Variants in FAM174B observed in about 807,000 individuals in gnomAD.
The protein encoded by FAM174B is membrane protein FAM174B.
A neutral mutation model predicts 10.9 loss-of-function variants in FAM174B; 12 were observed. That is an observed-to-expected ratio of 1.10 (90% CI 0.71 to 1.79). The LOEUF is 1.79. Among genes scored for constraint, FAM174B ranks in the 40% most tolerant of loss-of-function variants. The pLI, the probability that FAM174B is intolerant of heterozygous loss-of-function variation, is 0.00. For missense variants in FAM174B, 266 were observed against 233.3 expected, an observed-to-expected ratio of 1.14 and a Z score of -0.91; for synonymous variants, 132 against 115.8, an observed-to-expected ratio of 1.14 and a Z score of -0.90.
intron 1 of FAM174B, among the ~76,000 whole-genome samples, chr15:92,631,689 A>G (rs1334279094): frequency 6.7e-6 from 1 of 149,386 alleles, no homozygotes; most frequent in Non-Finnish European, 1.5e-5. Context: ...TTGTAGAGAC[A>G]GATTTCGCCT....
chr15:92,626,000 C>A (rs772367999), intron 2 of FAM174B, among the ~76,000 whole-genome samples: 1 of 152,048 alleles, frequency 6.6e-6, no homozygotes, highest in Non-Finnish European at 1.5e-5. Context: ...CGTTTAAGGA[C>A]TTGGGAGCAG....
chr15:92,635,212 T>C (rs1016459398), intron 1 of FAM174B, among the ~76,000 whole-genome samples: 7 of 151,534 alleles, frequency 4.6e-5, no homozygotes, highest in African/African-American at 1.7e-4. Flanking sequence ...ATTGATTCTG[T>C]TTCCCTGAAG....
At chr15:92,652,506 A>G (rs2050973020) in intron 1 of FAM174B, among the ~76,000 whole-genome samples, 1 of 152,166 alleles carries the variant, frequency 6.6e-6, no homozygotes. Context: ...CCTGATCTGA[A>G]GAGTCAGCCT....
chr15:92,626,140 C>CGGAGTCTCGCTCTTT (rs61555990), intron 2 of FAM174B, among the ~76,000 whole-genome samples: 1 of 9,816 alleles, frequency 1.0e-4, no homozygotes, highest in Admixed American at 1.3e-3. Context: ...TTTTTTGAGA[C>CGGAGTCTCGCTCTTT]CAGGCCGGAG....
At chr15:92,643,773 G>T (rs1057315390) in intron 1 of FAM174B, among the ~76,000 whole-genome samples, 1 of 152,010 alleles carries the variant, frequency 6.6e-6, no homozygotes, top group Non-Finnish European at 1.5e-5. Context: ...GGAAATAGTG[G>T]GCTGTTTCCA....
intron 1 of FAM174B, among the ~76,000 whole-genome samples, chr15:92,633,264 C>A (rs1359766501): frequency 6.6e-6 from 1 of 152,130 alleles, no homozygotes; most frequent in African/African-American, 2.4e-5. Context: ...AGTAAGTTGG[C>A]AAAATGAATG....
intron 1 of FAM174B, among the ~76,000 whole-genome samples, chr15:92,649,479 TA>T (rs1438100448): frequency 1.3e-5 from 2 of 152,250 alleles, no homozygotes; most frequent in Non-Finnish European, 2.9e-5. Context: ...AGGTTGGGTG[TA>T]AATTACATCT....
chr15:92,638,409 T>C (rs535905154), intron 1 of FAM174B, among the ~76,000 whole-genome samples: 1 of 152,256 alleles, frequency 6.6e-6, no homozygotes, highest in South Asian at 2.1e-4. Flanking sequence ...TGCTCATACG[T>C]CCCACTTATA....
At chr15:92,632,841 T>C (rs1567045976) in intron 1 of FAM174B, among the ~76,000 whole-genome samples, 1 of 152,104 alleles carries the variant, frequency 6.6e-6, no homozygotes. Context: ...TGTTTTTACC[T>C]TTAGGATGGT....
intron 1 of FAM174B, among the ~76,000 whole-genome samples, chr15:92,635,890 A>G (rs1188670213): frequency 1.3e-5 from 2 of 152,046 alleles, no homozygotes; most frequent in African/African-American, 4.8e-5. Flanking sequence ...ACATTTCTCA[A>G]ATTAAAAGGA....
At chr15:92,621,317 A>T (rs985141394) in intron 2 of FAM174B, among the ~76,000 whole-genome samples, 3 of 152,212 alleles carry the variant, frequency 2.0e-5, no homozygotes, top group African/African-American at 4.8e-5. Context: ...AAGTTGTTTA[A>T]AGAGAAAACA....
chr15:92,644,048 C>T (rs904545546), intron 1 of FAM174B, among the ~76,000 whole-genome samples: 1 of 152,170 alleles, frequency 6.6e-6, no homozygotes, highest in Non-Finnish European at 1.5e-5. Flanking sequence ...GAGCTCTACG[C>T]TGCACCTCCT....
intron 1 of FAM174B, among the ~76,000 whole-genome samples, chr15:92,641,062 TCACACA>T (rs35507479): frequency 6.0e-5 from 9 of 149,902 alleles, no homozygotes; most frequent in South Asian, 4.2e-4. Flanking sequence ...CACAGGCAGT[TCACACA>T]CACACACACA....
At chr15:92,640,658 T>G (rs945939921) in intron 1 of FAM174B, among the ~76,000 whole-genome samples, 1 of 149,772 alleles carries the variant, frequency 6.7e-6, no homozygotes, top group Non-Finnish European at 1.5e-5. Flanking sequence ...TTGGTTTTTG[T>G]TTTTTTTTAA....
intron 2 of FAM174B, among the ~76,000 whole-genome samples, chr15:92,625,965 A>G (rs1411860166): frequency 7.1e-6 from 1 of 140,048 alleles, no homozygotes; most frequent in Non-Finnish European, 1.7e-5. Context: ...GAAAAGGCAA[A>G]AGCAAAGCAA....
chr15:92,641,069 C>A (rs2050888642), intron 1 of FAM174B, among the ~76,000 whole-genome samples: 1 of 151,954 alleles, frequency 6.6e-6, no homozygotes. Flanking sequence ...AGTTCACACA[C>A]ACACACACAC....
At position 92,635,077 on chromosome 15, in the gene FAM174B, A is replaced by G. The variant is rs139892308; in HGVS notation, c.345-4732T>C. ...ACCTGTCAGCCTCCATAATCACATC[A>G]GCTGATTCCTTACGATAAGCCTCTC... On this transcript the variant is annotated intron_variant, in intron 1 of 2. Transcript: ENST00000327355. Among the ~76,000 whole-genome samples, 229 of 151,528 alleles carry G rather than the reference A, an allele frequency of 1.5e-3. 1 individual carries two copies. The highest frequency in any genetic ancestry group is 4.9e-3 in the African/African-American group (203 of 41,244).
chr15:92,650,100 A>C (rs1222866244), intron 1 of FAM174B, among the ~76,000 whole-genome samples: 2 of 152,218 alleles, frequency 1.3e-5, no homozygotes, highest in African/African-American at 2.4e-5. Context: ...ATGACAAAAA[A>C]ATTTTTAAAT....
At chr15:92,629,824 C>T (rs1317413909) in intron 2 of FAM174B, among the ~76,000 whole-genome samples, 1 of 152,082 alleles carries the variant, frequency 6.6e-6, no homozygotes, top group Non-Finnish European at 1.5e-5. Flanking sequence ...TCCCGTGCTG[C>T]TCTCGTCCTG....
Sources: allele counts gnomAD v4.1 joint callset (sites outside exome capture counted in the v4.1 genomes callset), GRCh38; gene constraint gnomAD v4.1.1; transcripts MANE v1.5; gene names NCBI Gene and HGNC (gene_info 2026-07-23, HGNC 2026-07-21).